The following SNTG2 variants were observed in gnomAD, a reference collection of about 807,000 sequenced individuals.
The protein encoded by SNTG2 is gamma-2-syntrophin.
A neutral mutation model predicts 70.9 loss-of-function variants in SNTG2; 74 were observed. The ratio of observed to expected loss-of-function variants is 1.04; its 90% CI spans 0.86 to 1.27. The LOEUF is 1.27. Ranked by LOEUF, SNTG2 falls within the 50% of genes most tolerant of loss-of-function variation. SNTG2 has a pLI of 0.00. For synonymous variants in SNTG2, 278 were observed against 273.8 expected, an observed-to-expected ratio of 1.02 and a Z score of -0.15; for missense variants, 717 against 690.7, an observed-to-expected ratio of 1.04 and a Z score of -0.43.
chr2:1,025,436 C>T (rs747410758), intron 1 of SNTG2, among the ~76,000 whole-genome samples: 9 of 152,154 alleles, frequency 5.9e-5, no homozygotes, highest in Non-Finnish European at 1.0e-4. Context: ...CCCATGGCTG[C>T]TGTTTTTTAC....
chr2:1,223,926 G>A (rs1369882577), intron 9 of SNTG2, among the ~76,000 whole-genome samples: 3 of 138,242 alleles, frequency 2.2e-5, no homozygotes, highest in Non-Finnish European at 5.0e-5. Context: ...TCTGGAGGCC[G>A]TAGCCCAATT....
chr2:1,331,757 T>C (rs2148284805), intron 16 of SNTG2, among the ~76,000 whole-genome samples: 1 of 152,326 alleles, frequency 6.6e-6, no homozygotes, highest in African/African-American at 2.4e-5. Context: ...CATCGTTTTC[T>C]TATTTTAAGG....
chr2:1,069,001 G>A (rs924380185), intron 1 of SNTG2, among the ~76,000 whole-genome samples: 5 of 152,198 alleles, frequency 3.3e-5, no homozygotes, highest in Admixed American at 6.5e-5. Context: ...GTAAAAATGT[G>A]CATTTGAAAG....
intron 4 of SNTG2, among the ~76,000 whole-genome samples, chr2:1,133,425 G>C (rs527492201): frequency 6.6e-6 from 1 of 152,150 alleles, no homozygotes; most frequent in African/African-American, 2.4e-5. Context: ...ACTTTATCTT[G>C]ATAAAGCAAG....
At chr2:1,218,988 G>C (rs759740622) in intron 9 of SNTG2, among the ~76,000 whole-genome samples, 90 of 152,324 alleles carry the variant, frequency 5.9e-4, no homozygotes, top group Non-Finnish European at 9.7e-4. Flanking sequence ...TTAGGTCTGG[G>C]TTTCCACCCA....
intron 11 of SNTG2, among the ~76,000 whole-genome samples, chr2:1,245,244 G>A (rs1677352466): frequency 6.6e-6 from 1 of 151,014 alleles, no homozygotes; most frequent in South Asian, 2.1e-4. Flanking sequence ...TTGTGCACAT[G>A]TACCCTAAAA....
At chr2:959,179 A>C (rs1283197374) in intron 1 of SNTG2, among the ~76,000 whole-genome samples, 3 of 152,162 alleles carry the variant, frequency 2.0e-5, no homozygotes, top group African/African-American at 7.2e-5. Flanking sequence ...CTAGTAGCTG[A>C]AAAAAGGAAG....
intron 4 of SNTG2, among the ~76,000 whole-genome samples, chr2:1,135,196 C>A (rs1169383517): frequency 1.3e-5 from 2 of 152,168 alleles, no homozygotes; most frequent in African/African-American, 2.4e-5. Flanking sequence ...TCTGAAAACT[C>A]TAGATACCAT....
At position 953,857 on chromosome 2, in the gene SNTG2, A is replaced by G. The variant is rs564202415; in HGVS notation, c.72+2789A>G. 3.3e-5 allele frequency among the ~76,000 whole-genome samples: 5 copies of G among 152,206 alleles called. No homozygotes were observed. The South Asian group carries it at 1.0e-3, about 32-fold the overall frequency. On this transcript the variant is annotated intron_variant, in intron 1 of 16. Transcript: ENST00000308624. ...GAGCAACAGCTTCTTGTCTCTGGATATCTTTATGGATGATGACTGTAGACA... is the reference window on the plus strand; with the variant it reads ...GAGCAACAGCTTCTTGTCTCTGGATGTCTTTATGGATGATGACTGTAGACA...
At chr2:974,077 GT>G (rs886368812) in intron 1 of SNTG2, among the ~76,000 whole-genome samples, 3 of 152,072 alleles carry the variant, frequency 2.0e-5, no homozygotes, top group African/African-American at 7.2e-5. Context: ...GTTATTTTTG[GT>G]TTTTTTAGCT....
chr2:1,357,509 T>C (rs1443286509), intron 16 of SNTG2, among the ~76,000 whole-genome samples: 1 of 152,156 alleles, frequency 6.6e-6, no homozygotes, highest in Non-Finnish European at 1.5e-5. Context: ...ATTGCTTTAT[T>C]ATAAGGGCAA....
At chr2:1,330,528 C>T (rs1248599316) in intron 16 of SNTG2, among the ~76,000 whole-genome samples, 1 of 152,134 alleles carries the variant, frequency 6.6e-6, no homozygotes, top group South Asian at 2.1e-4. Context: ...TGACCGTTCA[C>T]AAGGATGTCT....
At chr2:1,311,045 G>A (rs887400257) in intron 15 of SNTG2, among the ~76,000 whole-genome samples, 1 of 152,188 alleles carries the variant, frequency 6.6e-6, no homozygotes, top group Non-Finnish European at 1.5e-5. Flanking sequence ...CAGTGCTAGA[G>A]TAAGCATGCC....
chr2:975,107 C>T (rs1004779660), intron 1 of SNTG2, among the ~76,000 whole-genome samples: 2 of 152,062 alleles, frequency 1.3e-5, no homozygotes, highest in East Asian at 1.9e-4. Flanking sequence ...GAACAAACCA[C>T]ACCACACACT....
At chr2:1,043,652 C>A (rs757563219) in intron 1 of SNTG2, among the ~76,000 whole-genome samples, 3 of 152,260 alleles carry the variant, frequency 2.0e-5, no homozygotes, top group South Asian at 2.1e-4. Flanking sequence ...TATCCCAGCA[C>A]GATTTACTGA....
chr2:1,109,172 C>T (rs766403902), intron 4 of SNTG2, among the ~76,000 whole-genome samples: 102 of 151,996 alleles, frequency 6.7e-4, no homozygotes, highest in Non-Finnish European at 1.1e-3. Context: ...AAAGCAAAAG[C>T]GGCTTGCGAA....
intron 1 of SNTG2, among the ~76,000 whole-genome samples, chr2:974,004 T>C (rs1196528629): frequency 6.6e-6 from 1 of 152,190 alleles, no homozygotes; most frequent in African/African-American, 2.4e-5. Context: ...TCAGGACCAG[T>C]GTTATCCCTG....
At chr2:1,192,156 G>T (rs1385741405) in intron 8 of SNTG2, among the ~76,000 whole-genome samples, 1 of 152,222 alleles carries the variant, frequency 6.6e-6, no homozygotes, top group Admixed American at 6.5e-5. Flanking sequence ...AGAAGGCATT[G>T]CAATCCCAGG....
chr2:1,228,204 G>GC (rs796246990), intron 9 of SNTG2, among the ~76,000 whole-genome samples: 11 of 152,362 alleles, frequency 7.2e-5, no homozygotes, highest in African/African-American at 2.6e-4. Context: ...CTGGCGGGGG[G>GC]CCCTCGTGGT....
Sources: allele counts gnomAD v4.1 joint callset (sites outside exome capture counted in the v4.1 genomes callset), GRCh38; gene constraint gnomAD v4.1.1; transcripts MANE v1.5; gene names NCBI Gene and HGNC (gene_info 2026-07-23, HGNC 2026-07-21).